Variants in NTN4 observed in about 807,000 individuals in gnomAD.
The protein encoded by NTN4 is netrin-4.
In NTN4, 32 loss-of-function variants were observed where a neutral mutation model predicts 73.6. The ratio of observed to expected loss-of-function variants is 0.44; its 90% CI spans 0.33 to 0.58. The LOEUF is 0.58. Among genes scored for constraint, NTN4 ranks in the 20% least tolerant of loss-of-function variants. NTN4 has a pLI of 0.04. For synonymous variants in NTN4, 258 were observed against 287.5 expected, an observed-to-expected ratio of 0.90 and a Z score of 1.04; for missense variants, 654 against 798.3, an observed-to-expected ratio of 0.82 and a Z score of 2.18.
Position 95,786,995 on chromosome 12 carries a change from T to C in NTN4, c.529A>G (p.Lys177Glu). 6.2e-7 allele frequency: 1 copy of C among 1,614,208 alleles called. No homozygotes were observed. The highest frequency in any genetic ancestry group is 1.1e-5 in the South Asian group (1 of 91,086). Residue 177 changes from lysine to glutamate, a missense_variant, in exon 2 of 10, where the codon AAG (lysine) becomes GAG (glutamate). Coordinates refer to ENST00000343702, the MANE Select transcript of NTN4 (RefSeq NM_021229.4). ...TFGLEDDVVK[K>E]GAICTSKYSS... is the part of the protein sequence containing the mutation. ...TATTTAGAAGTACAAATAGCGCCCT[T>C]CTTGACAACATCATCTTCCAGGCCA...
intron 2 of NTN4, among the ~76,000 whole-genome samples, chr12:95,782,347 G>A (rs2079139435): frequency 6.6e-6 from 1 of 151,710 alleles, no homozygotes; most frequent in Non-Finnish European, 1.5e-5. Context: ...CCAGGCTGAG[G>A]TGCAGGGGCG....
chr12:95,775,878 G>T (rs1194053504), intron 2 of NTN4, among the ~76,000 whole-genome samples: 1 of 152,220 alleles, frequency 6.6e-6, no homozygotes, highest in Non-Finnish European at 1.5e-5. Flanking sequence ...TGGACAGCCT[G>T]CCTCCTGAGT....
intron 3 of NTN4, among the ~76,000 whole-genome samples, chr12:95,722,873 C>G (rs2078659571): frequency 7.0e-6 from 1 of 142,066 alleles, no homozygotes; most frequent in Admixed American, 7.6e-5. Flanking sequence ...ACTTGGGAGG[C>G]TGAGGCAGGA....
At chr12:95,677,985 A>G (rs958336330) in intron 7 of NTN4, among the ~76,000 whole-genome samples, 1 of 152,200 alleles carries the variant, frequency 6.6e-6, no homozygotes, top group African/African-American at 2.4e-5. Flanking sequence ...ACACATATAC[A>G]CCATGGAATA....
chr12:95,790,292 C>G lies in NTN4; in HGVS notation c.18G>C (p.Arg6=). Residue 6 remains arginine (R), a synonymous_variant, in exon 1 of 10, where the codon CGG becomes CGC. Coordinates refer to ENST00000343702, the MANE Select transcript of NTN4 (RefSeq NM_021229.4). The surrounding 1 kb of genome is among the most constrained non-coding windows in gnomAD (Gnocchi z 6.5). ...CCGTGCAGCCCCAGAGCAGCAGCAG[C>G]CGCGCGCAGCTCCCCATGGCCGGGA... The part of the protein sequence containing the change: MGSCA[R]LLLLWGCTVV... The G allele has an allele frequency of 1.3e-6, 2 of 1,533,376 alleles. No homozygotes were observed. The highest frequency in any genetic ancestry group is 8.8e-7 in the Non-Finnish European group (1 of 1,140,494). 95.0% of individuals were successfully genotyped at this position (1,533,376 alleles called of 1,614,324 possible).
At chr12:95,667,403 A>T (rs1043575974) in intron 8 of NTN4, among the ~76,000 whole-genome samples, 1 of 151,952 alleles carries the variant, frequency 6.6e-6, no homozygotes, top group African/African-American at 2.4e-5. Flanking sequence ...GCTTATCCAC[A>T]TCTCCATGGA....
chr12:95,679,208 G>A (rs971528906), intron 7 of NTN4, among the ~76,000 whole-genome samples: 30 of 152,204 alleles, frequency 2.0e-4, no homozygotes, highest in African/African-American at 2.9e-4. Flanking sequence ...GCAAAGAACC[G>A]ATAGCTAAGA....
intron 3 of NTN4, among the ~76,000 whole-genome samples, chr12:95,729,195 CATA>C (rs2078717532): frequency 6.6e-6 from 1 of 151,604 alleles, no homozygotes; most frequent in Admixed American, 6.6e-5. Context: ...GTATGAAGTG[CATA>C]ATGTTTATAT....
chr12:95,679,029 TAAAGAGCACCTTAATATATAGA>T (rs2078295865), intron 7 of NTN4, among the ~76,000 whole-genome samples: 1 of 152,166 alleles, frequency 6.6e-6, no homozygotes, highest in Admixed American at 6.5e-5. Flanking sequence ...TGAAAGGCCT[TAAAGAGCACCTTAATATATAGA>T]AAGGTATCTT....
chr12:95,729,687 C>T (rs1375528550), intron 3 of NTN4, among the ~76,000 whole-genome samples: 3 of 142,696 alleles, frequency 2.1e-5, no homozygotes, highest in East Asian at 2.3e-4. Flanking sequence ...TTTAACCTTA[C>T]GTGTCTTGTC....
chr12:95,720,785 T>C (rs760590435), intron 3 of NTN4, among the ~76,000 whole-genome samples: 1 of 152,220 alleles, frequency 6.6e-6, no homozygotes, highest in Non-Finnish European at 1.5e-5. Flanking sequence ...TGGAGATCTA[T>C]TGTAAGCTCA....
intron 2 of NTN4, among the ~76,000 whole-genome samples, chr12:95,743,699 T>A (rs944012397): frequency 6.6e-6 from 1 of 152,226 alleles, no homozygotes; most frequent in African/African-American, 2.4e-5. Context: ...TCAAAGAACA[T>A]ATTTTGTATG....
At chr12:95,755,623 A>G (rs2078942448) in intron 2 of NTN4, among the ~76,000 whole-genome samples, 1 of 152,194 alleles carries the variant, frequency 6.6e-6, no homozygotes, top group Non-Finnish European at 1.5e-5. Context: ...GGAAAGTCTT[A>G]TCTTCTGAGA....
At chr12:95,753,851 C>A (rs1314322811) in intron 2 of NTN4, among the ~76,000 whole-genome samples, 1 of 152,170 alleles carries the variant, frequency 6.6e-6, no homozygotes, top group Admixed American at 6.5e-5. Context: ...CAGTCTCATT[C>A]GACACCAGAC....
Position 95,790,598 on chromosome 12 carries a change from C to T in NTN4, c.-289G>A. The T allele has an allele frequency of 4.1e-6, 1 of 242,772 alleles. No individual in the cohort carries two copies. The highest frequency in any genetic ancestry group is 7.9e-6 in the Non-Finnish European group (1 of 127,232). 15.0% of individuals were successfully genotyped at this position (242,772 alleles called of 1,614,324 possible). ...GGCCTGGCTGCGCTGCCCCGCGGAG[C>T]GGCCCTGCGGGCTCGTCTGCCGCTA... On this transcript the variant is annotated 5_prime_UTR_variant, in exon 1 of 10. Coordinates refer to ENST00000343702, the MANE Select transcript of NTN4 (RefSeq NM_021229.4). The surrounding 1 kb of genome is among the most constrained non-coding windows in gnomAD (Gnocchi z 6.5).
chr12:95,783,492 C>A (rs1197081892), intron 2 of NTN4, among the ~76,000 whole-genome samples: 1 of 152,138 alleles, frequency 6.6e-6, no homozygotes, highest in Non-Finnish European at 1.5e-5. Flanking sequence ...TCCATTTTAC[C>A]TTCATGTCAT....
chr12:95,694,008 G>A (rs1354478803), intron 5 of NTN4, among the ~76,000 whole-genome samples: 1 of 151,960 alleles, frequency 6.6e-6, no homozygotes, highest in African/African-American at 2.4e-5. Context: ...AATTGCTGCC[G>A]GTTCATCTTT....
At chr12:95,753,850 T>A (rs2078928166) in intron 2 of NTN4, among the ~76,000 whole-genome samples, 1 of 152,228 alleles carries the variant, frequency 6.6e-6, no homozygotes, top group Admixed American at 6.5e-5. Flanking sequence ...CCAGTCTCAT[T>A]CGACACCAGA....
At chr12:95,679,147 A>C (rs1412598606) in intron 7 of NTN4, among the ~76,000 whole-genome samples, 5 of 152,222 alleles carry the variant, frequency 3.3e-5, no homozygotes, top group Non-Finnish European at 5.9e-5. Context: ...AAAAATCCCA[A>C]CAGAGCCTTT....
Sources: gnomAD v4.1 joint callset for allele counts (sites outside exome capture counted in the v4.1 genomes callset) on GRCh38, gnomAD v4.1.1 for gene constraint, Gnocchi (gnomAD v3.1) non-coding constraint, MANE v1.5 for transcripts, NCBI Gene and HGNC (gene_info 2026-07-23, HGNC 2026-07-21) for gene names.